NLRP2: variants seen among roughly 807,000 people sequenced by gnomAD.
NLRP2 encodes the protein NLR family pyrin domain containing 2.
NLRP2 carries 107 observed loss-of-function variants against 97.2 expected under a neutral mutation model. The ratio of observed to expected loss-of-function variants is 1.10; its 90% confidence interval spans 0.94 to 1.29. The LOEUF is 1.29. Among genes scored for constraint, NLRP2 ranks in the 50% most tolerant of loss-of-function variants. NLRP2 has a pLI of 0.00. For missense variants in NLRP2, 1,495 were observed against 1,330.3 expected (o/e 1.12, Z -1.93); for synonymous variants, 663 against 551.5 (o/e 1.20, Z -2.83).
chr19:54,993,216 CAAAAAAAAAA>C (rs72154233), intron 10 of NLRP2: 1 of 111,652 alleles, frequency 9.0e-6, no homozygotes, highest in Non-Finnish European at 1.9e-5. Flanking sequence ...GAGACTGTCT[CAAAAAAAAAA>C]AAAAAAAAGT....
At chr19:54,978,615 T>C (rs1329619842) in intron 4 of NLRP2, among the ~76,000 whole-genome samples, 2 of 152,080 alleles carry the variant, frequency 1.3e-5, no homozygotes, top group Admixed American at 1.3e-4. Context: ...CCCAGCACTT[T>C]GGGAGGCTGA....
chr19:54,997,967 CTG>C, intron 12 of NLRP2, among the ~76,000 whole-genome samples: 1 of 151,046 alleles, frequency 6.6e-6, no homozygotes, highest in Middle Eastern at 3.4e-3. Flanking sequence ...TGTCACTGGG[CTG>C]TGTTTTGTTT....
chr19:54,968,922 C>T (rs929732659), intron 1 of NLRP2, among the ~76,000 whole-genome samples: 28 of 151,740 alleles, frequency 1.8e-4, no homozygotes, highest in Non-Finnish European at 3.8e-4. Flanking sequence ...AGGATGGTCT[C>T]GATCTCCTGA....
At chr19:54,991,345 G>T (rs1371512270) in intron 10 of NLRP2, among the ~76,000 whole-genome samples, 16 of 151,968 alleles carry the variant, frequency 1.1e-4, no homozygotes, top group Admixed American at 1.1e-3. Context: ...GAGGGCAGGA[G>T]TTCAAGACCA....
intron 3 of NLRP2, among the ~76,000 whole-genome samples, chr19:54,975,577 G>C (rs188601305): frequency 0.022 from 3,215 of 148,152 alleles, 253 homozygotes; most frequent in African/African-American, 0.076. Context: ...TCAGCCTCCC[G>C]AGTAGCTGGG....
chr19:54,992,556 C>CTTTTTTTTTTTTTTTTTG (rs71181721), intron 10 of NLRP2, among the ~76,000 whole-genome samples: 2 of 82,520 alleles, frequency 2.4e-5, no homozygotes, highest in Admixed American at 1.8e-4. Context: ...GGGGGGTTTT[C>CTTTTTTTTTTTTTTTTTG]TTTTTTTTTT....
chr19:54,970,770 C>CTTTTTTTTTTTTTTTTTTCCTTTTT (rs34406686), intron 2 of NLRP2, among the ~76,000 whole-genome samples: 1 of 108,470 alleles, frequency 9.2e-6, no homozygotes, highest in Non-Finnish European at 1.9e-5. Context: ...CTACCTACTT[C>CTTTTTTTTTTTTTTTTTTCCTTTTT]TTTTTTTTTT....
chr19:54,984,336 T>TA (rs1568505379), intron 6 of NLRP2, among the ~76,000 whole-genome samples: 10 of 107,554 alleles, frequency 9.3e-5, no homozygotes, highest in Non-Finnish European at 1.7e-4. Flanking sequence ...TGTGTTTTTT[T>TA]TTTTTTTTTT....
intron 3 of NLRP2, 73 bp from the exon 4 acceptor site, chr19:54,977,679 G>A: frequency 1.4e-6 from 2 of 1,423,008 alleles, no homozygotes; most frequent in Admixed American, 1.7e-5. Flanking sequence ...AGACTCAGGG[G>A]TCCAACTTGA....
Position 54,986,164 on chromosome 19 carries a change from T to C in NLRP2, c.2215T>C (p.Ser739Pro). Residue 739 changes from serine (S) to proline (P), a missense_variant, in exon 8 of 13, where the codon TCC becomes CCC. Transcript: ENST00000448584. ...TCTTTTCCCTAGGTTCAAAAACATT[T>C]CCCCAGCTGATGCTCATCGGAACCT... ...HLQRVVFKNI[S>P]PADAHRNLCL... 6.2e-7 allele frequency: 1 copy of C among 1,613,198 alleles called. No individual in the cohort carries two copies. Among genetic ancestry groups the C allele is most frequent in the South Asian group, 1.1e-5 (1 of 91,062 alleles).
At chr19:54,998,314 G>T (rs28600773) in intron 12 of NLRP2, among the ~76,000 whole-genome samples, 23 of 151,882 alleles carry the variant, frequency 1.5e-4, no homozygotes, top group African/African-American at 4.8e-4. Context: ...CACCGCACCC[G>T]GCCTGAGTTG....
chr19:54,975,119 T>G lies in NLRP2; in HGVS notation c.325+575T>G, dbSNP rs953942772. Among the ~76,000 whole-genome samples the G allele has an allele frequency of 6.6e-3, 155 of 23,634 alleles. 8 individuals are homozygous for G. Among genetic ancestry groups the G allele is most frequent in the African/African-American group, 0.032 (140 of 4,338 alleles). The allele number at this position is 23,634 out of a possible 152,430, so 15.5% of individuals were successfully genotyped here. A position where few individuals can be genotyped will look rare whatever the true frequency, so the allele number is the denominator to read the frequency against. ...ACACCCGGTTTTGTTTTTTTTTTTTTTTTTTTTTTTTTTTTTTTTTTTTTG... is the reference window on the plus strand; with the variant it reads ...ACACCCGGTTTTGTTTTTTTTTTTTGTTTTTTTTTTTTTTTTTTTTTTTTG... On this transcript the variant is annotated intron_variant, in intron 3 of 12. Transcript: ENST00000448584.
At chr19:54,984,329 G>GGTT (rs1329961462) in intron 6 of NLRP2, among the ~76,000 whole-genome samples, 29 of 79,670 alleles carry the variant, frequency 3.6e-4, no homozygotes, top group Non-Finnish European at 5.5e-4. Context: ...TTTTTTTTGT[G>GGTT]TTTTTTTTTT....
intron 11 of NLRP2, among the ~76,000 whole-genome samples, chr19:54,996,085 CACTG>C (rs1454671054): frequency 4.0e-5 from 6 of 148,728 alleles, no homozygotes; most frequent in Non-Finnish European, 1.5e-5. Flanking sequence ...TTTAATCACT[CACTG>C]ACACGTGTAG....
At chr19:54,998,702 A>G (rs1207831699) in intron 12 of NLRP2, among the ~76,000 whole-genome samples, 12 of 121,044 alleles carry the variant, frequency 9.9e-5, no homozygotes, top group Non-Finnish European at 1.6e-4. Context: ...GCAGGGTCAT[A>G]GGACAATAGT....
At chr19:54,998,536 TA>T (rs2072968236) in intron 12 of NLRP2, among the ~76,000 whole-genome samples, 1 of 137,600 alleles carries the variant, frequency 7.3e-6, no homozygotes, top group South Asian at 2.2e-4. Context: ...TTTTAAGCTT[TA>T]AGTTTGTTTG....
At chr19:54,981,332 C>G (rs1233721518) in intron 4 of NLRP2, among the ~76,000 whole-genome samples, 3 of 151,982 alleles carry the variant, frequency 2.0e-5, no homozygotes, top group Non-Finnish European at 4.4e-5. Flanking sequence ...CCACGCCTGG[C>G]TAATTTTTGC....
chr19:54,975,005 T>C (rs576942760), intron 3 of NLRP2, among the ~76,000 whole-genome samples: 11 of 151,064 alleles, frequency 7.3e-5, no homozygotes, highest in Non-Finnish European at 1.3e-4. Context: ...TTCACCATGA[T>C]GGCCAGGCTG....
At position 54,983,606 on chromosome 19, in the gene NLRP2, CGTT is replaced by C. The variant is rs1386041501; in HGVS notation, c.1911_1913del (p.Val638del). The C allele has an allele frequency of 1.2e-6, 2 of 1,614,020 alleles. No individual in the cohort carries two copies. The highest frequency in any genetic ancestry group is 2.2e-5 in the East Asian group (1 of 44,894). ...TATCCCTGCACTTAAATGCAGTAGA[CGTT>C]GTGCCATCTTCATTCTGCGTCAAGC... On this transcript the variant is annotated inframe_deletion, in exon 6 of 13. Coordinates refer to ENST00000448584, the MANE Select transcript of NLRP2 (RefSeq NM_017852.5).
Sources: allele counts gnomAD v4.1 joint callset (sites outside exome capture counted in the v4.1 genomes callset), GRCh38; gene constraint gnomAD v4.1.1; transcripts MANE v1.5; gene names NCBI Gene and HGNC (gene_info 2026-07-23, HGNC 2026-07-21).